Variants in DUSP10 observed in about 807,000 individuals in gnomAD.
The protein encoded by DUSP10 is dual specificity phosphatase 10.
Under a neutral mutation model 30.8 loss-of-function variants are expected in DUSP10, and 14 were observed. The observed-to-expected ratio is 0.46, with a 90% CI of 0.30 to 0.71. The LOEUF is 0.71. Ranked by LOEUF, DUSP10 falls within the 30% of genes least tolerant of loss-of-function variation. The pLI is 0.08. For synonymous variants in DUSP10, 254 were observed against 250.4 expected (o/e 1.01, Z -0.14); for missense variants, 550 against 619.4 (o/e 0.89, Z 1.19).
intron 2 of DUSP10, among the ~76,000 whole-genome samples, chr1:221,731,975 G>C (rs1024218802): frequency 6.6e-6 from 1 of 152,138 alleles, no homozygotes; most frequent in South Asian, 2.1e-4. Context: ...ACAAAATTTC[G>C]TGAAGATGAA....
chr1:221,725,611 T>C (rs930568603), intron 2 of DUSP10, among the ~76,000 whole-genome samples: 1 of 152,252 alleles, frequency 6.6e-6, no homozygotes, highest in Non-Finnish European at 1.5e-5. Context: ...GCTAATTATC[T>C]GTCAAAGAAT....
chr1:221,721,839 A>G (rs1198110387), intron 2 of DUSP10, among the ~76,000 whole-genome samples: 2 of 152,198 alleles, frequency 1.3e-5, no homozygotes, highest in South Asian at 2.1e-4. Flanking sequence ...TACATTTATT[A>G]AGCACTAAAT....
At chr1:221,705,428 G>A (rs1660727284) in intron 3 of DUSP10, among the ~76,000 whole-genome samples, 1 of 152,176 alleles carries the variant, frequency 6.6e-6, no homozygotes, top group African/African-American at 2.4e-5. Flanking sequence ...GAGTCTTATA[G>A]CAGTTTGGGG....
rs540829067 is a variant in DUSP10 at position 221,703,219 on chromosome 1, G to A, written c.1184-542C>T. On this transcript the variant is annotated intron_variant, in intron 3 of 3. Transcript: ENST00000366899. Reference sequence around the variant, plus strand: ...TGTGTGTATGTGTGTGTGTGTGTGTGTATATATATATATATGCAGTTCCTC... The same window carrying A: ...TGTGTGTATGTGTGTGTGTGTGTGTATATATATATATATATGCAGTTCCTC... 8.3e-3 allele frequency among the ~76,000 whole-genome samples: 1,244 copies of A among 149,418 alleles called. 14 individuals carry two copies. The highest frequency in any genetic ancestry group is 0.027 in the African/African-American group (1,095 of 40,720).
rs58249338 is a variant in DUSP10 at position 221,712,777 on chromosome 1, C to CA, written c.812-6312dup. ...AGACAGTGGATGATATATAAAGCAG[C>CA]AAAAAAAAAAAAAAAAAAAAAAAGA... On this transcript the variant is annotated intron_variant, in intron 2 of 3. Transcript: ENST00000366899. 7.1e-3 allele frequency among the ~76,000 whole-genome samples: 401 copies of CA among 56,742 alleles called. 22 individuals are homozygous for CA. Among genetic ancestry groups the CA allele is most frequent in the East Asian group, 0.064 (128 of 1,992 alleles). 37.2% of individuals were successfully genotyped at this position (56,742 alleles called of 152,430 possible).
Position 221,702,572 on chromosome 1 carries a change from G to T in DUSP10, c.1289C>A (p.Thr430Asn). 6.2e-7 allele frequency: 1 copy of T among 1,614,164 alleles called. No homozygotes were observed. Among genetic ancestry groups the T allele is most frequent in the Non-Finnish European group, 8.5e-7 (1 of 1,180,034 alleles). ...GACAAATTTATAAGCATCAGTCATG[G>T]TCATCCGAGTGTGCTTCATCAAGTA... is the stretch of plus-strand genomic sequence containing the variant. The part of the protein sequence containing the change: ...IAYLMKHTRM[T>N]MTDAYKFVKG... Residue 430 changes from threonine (T) to asparagine (N), a missense_variant, in exon 4 of 4, where the codon ACC (threonine) becomes AAC (asparagine). Coordinates refer to ENST00000366899, the MANE Select transcript of DUSP10 (RefSeq NM_007207.6). The surrounding 1 kb of genome is among the most constrained non-coding windows in gnomAD (Gnocchi z 4.5).
At chr1:221,717,894 T>G (rs1558120633) in intron 2 of DUSP10, among the ~76,000 whole-genome samples, 1 of 152,094 alleles carries the variant, frequency 6.6e-6, no homozygotes, top group Non-Finnish European at 1.5e-5. Context: ...TCTACGGCAT[T>G]TGGTTAAAGC....
chr1:221,706,601 A>AAAAAAT lies in DUSP10; in HGVS notation c.812-141_812-136dup. On this transcript the variant is annotated intron_variant, in intron 2 of 3. Coordinates refer to ENST00000366899, the MANE Select transcript of DUSP10 (RefSeq NM_007207.6). This position sits in a 1 kb window ranked among gnomAD's most constrained non-coding sequence, Gnocchi z 4.6. Reference sequence around the variant, plus strand: ...CATATATAAATATGTATTTAAGCAAAAAAAATAAAAATAAAAATAAAACAA... The same window carrying AAAAAAT: ...CATATATAAATATGTATTTAAGCAAAAAAAATAAAAATAAAAATAAAAATAAAACAA... 2 of 585,418 alleles carry AAAAAAT rather than the reference A, an allele frequency of 3.4e-6. No homozygotes were observed. Among genetic ancestry groups the AAAAAAT allele is most frequent in the East Asian group, 3.5e-5 (1 of 28,966 alleles). The allele number at this position is 585,418 out of a possible 1,614,324, so 36.3% of individuals were successfully genotyped here.
At chr1:221,734,231 AATT>A (rs1230663525) in intron 2 of DUSP10, among the ~76,000 whole-genome samples, 3 of 152,366 alleles carry the variant, frequency 2.0e-5, no homozygotes, top group East Asian at 3.9e-4. Flanking sequence ...ATTTGGACAG[AATT>A]ATTATCATGT....
intron 2 of DUSP10, among the ~76,000 whole-genome samples, chr1:221,722,375 A>G (rs1661302455): frequency 6.6e-6 from 1 of 152,160 alleles, no homozygotes. Context: ...CCCCTCTCAG[A>G]AACTGGGACT....
At chr1:221,717,064 A>G (rs150773170) in intron 2 of DUSP10, among the ~76,000 whole-genome samples, 1 of 152,160 alleles carries the variant, frequency 6.6e-6, no homozygotes, top group Non-Finnish European at 1.5e-5. Flanking sequence ...GGCAGTCACA[A>G]ATTAAGATAA....
chr1:221,737,269 G>A (rs541629930), intron 2 of DUSP10: 2 of 985,406 alleles, frequency 2.0e-6, no homozygotes, highest in African/African-American at 1.7e-5. Context: ...ATGAACACCT[G>A]CTCTGCGTGA....
In DUSP10 at chr1:221,707,587, G is replaced by A. The variant is rs570032653; in HGVS notation, c.812-1121C>T. Among the ~76,000 whole-genome samples the A allele has an allele frequency of 3.9e-5, 6 of 152,196 alleles. No homozygotes were observed. The East Asian group carries it at 1.2e-3, about 29-fold the overall frequency. ...TGAACAAGTGCAATCTCACTTTTGG[G>A]AATGGATCTTAGGGAAATCATCTAA... On this transcript the variant is annotated intron_variant, in intron 2 of 3. Coordinates refer to ENST00000366899, the MANE Select transcript of DUSP10 (RefSeq NM_007207.6).
rs779074182 is a variant in DUSP10, at chr1:221,739,693, C to T, written c.52G>A (p.Val18Ile). ...DRVVVALSRP[V>I]RPQDLNLCLD... The stretch of plus-strand genomic sequence containing the variant: ...CAAAGGTTGAGATCCTGAGGTCGGA[C>T]GGGCCTAGATAGTGCCACTACTACC... The change falls in exon 2 of 4, where the codon GTC (valine) becomes ATC (isoleucine). Residue 18 changes from valine to isoleucine, a missense_variant. Transcript: ENST00000366899. 15 of 1,613,332 alleles carry T rather than the reference C, an allele frequency of 9.3e-6. No individual in the cohort carries two copies. The highest frequency in any genetic ancestry group is 6.7e-5 in the East Asian group (3 of 44,880).
At chr1:221,705,659 T>C (rs774041938) in intron 3 of DUSP10, among the ~76,000 whole-genome samples, 2 of 152,076 alleles carry the variant, frequency 1.3e-5, no homozygotes, top group Admixed American at 6.5e-5. Context: ...CCGGAAGGCA[T>C]AGGTATGTTT....
At chr1:221,709,590 G>A (rs574535455) in intron 2 of DUSP10, among the ~76,000 whole-genome samples, 1 of 152,114 alleles carries the variant, frequency 6.6e-6, no homozygotes, top group South Asian at 2.1e-4. Context: ...AATCAACTTG[G>A]GCATCAGTTT....
chr1:221,720,128 G>A (rs1661235752), intron 2 of DUSP10, among the ~76,000 whole-genome samples: 1 of 152,108 alleles, frequency 6.6e-6, no homozygotes, highest in African/African-American at 2.4e-5. Context: ...TCTGCCCCTG[G>A]TTCCTGTAGC....
chr1:221,708,882 A>T (rs890005316), intron 2 of DUSP10, among the ~76,000 whole-genome samples: 1 of 152,110 alleles, frequency 6.6e-6, no homozygotes, highest in Non-Finnish European at 1.5e-5. Flanking sequence ...ATTTTTCCAT[A>T]TAAGATGAGA....
At chr1:221,737,533 C>G in intron 2 of DUSP10, 1 of 849,272 alleles carries the variant, frequency 1.2e-6, no homozygotes, top group South Asian at 5.4e-5. Context: ...GAAAACCCAC[C>G]ACAACCACCA....
Sources: gnomAD v4.1 joint callset for allele counts (sites outside exome capture counted in the v4.1 genomes callset) on GRCh38, gnomAD v4.1.1 for gene constraint, Gnocchi (gnomAD v3.1) non-coding constraint, MANE v1.5 for transcripts, NCBI Gene and HGNC (gene_info 2026-07-23, HGNC 2026-07-21) for gene names.